Variants in UBA6 observed in about 807,000 individuals in gnomAD.
UBA6 encodes the protein ubiquitin-like modifier-activating enzyme 6.
A neutral mutation model predicts 148.3 loss-of-function variants in UBA6; 87 were observed. The ratio of observed to expected loss-of-function variants is 0.59; its 90% confidence interval spans 0.49 to 0.70. The LOEUF (loss-of-function observed/expected upper bound fraction) is 0.70. UBA6 is among the 30% of genes least tolerant of loss of function. The probability of loss-of-function intolerance (pLI) is 0.00; values close to 1 mark genes in which losing one functional copy is unlikely to be tolerated. For missense variants in UBA6, 1,186 were observed against 1,241.2 expected, an observed-to-expected ratio of 0.96 and a Z score of 0.67; for synonymous variants, 376 against 401.0, an observed-to-expected ratio of 0.94 and a Z score of 0.75.
At chr4:67,678,034 A>G (rs1017413243) in intron 5 of UBA6, among the ~76,000 whole-genome samples, 1 of 146,490 alleles carries the variant, frequency 6.8e-6, no homozygotes, top group African/African-American at 2.5e-5. Context: ...ATTCAAGGAA[A>G]TACATTTCTA....
intron 12 of UBA6, 98 bp downstream of exon 12, chr4:67,663,041 T>A: frequency 1.3e-6 from 1 of 773,066 alleles, no homozygotes; most frequent in Non-Finnish European, 2.1e-6. Context: ...TCTATTGGTA[T>A]TGTAATTACA....
rs1356232207 is a variant in UBA6, at chr4:67,668,462, T to A, written c.793+89A>T. 71 of 1,254,740 alleles carry A rather than the reference T, an allele frequency of 5.7e-5. No individual in the cohort carries two copies. In the African/African-American group the frequency reaches 9.8e-4, roughly 17 times the overall value. 77.7% of individuals were successfully genotyped at this position (1,254,740 alleles called of 1,614,324 possible). A position where few individuals can be genotyped will look rare whatever the true frequency, so the allele number is the denominator to read the frequency against. Reference sequence around the variant, plus strand: ...CCAAGGGCTTTGGATCATGTCTCTCTGAGTTGACATTCTGTTCCCAACACT... The same window carrying A: ...CCAAGGGCTTTGGATCATGTCTCTCAGAGTTGACATTCTGTTCCCAACACT... On this transcript the variant is annotated intron_variant, in intron 9 of 32. Transcript: ENST00000322244.
In UBA6 at chr4:67,670,770, T is replaced by G. The variant is rs150347829; in HGVS notation, c.547-178A>C. Reference sequence around the variant, plus strand: ...GCAGAATAGTTTAGGAATCAAAGATTTTCAGTACTTTTAGTAAATGGATGT... The same window carrying G: ...GCAGAATAGTTTAGGAATCAAAGATGTTCAGTACTTTTAGTAAATGGATGT... On this transcript the variant is annotated intron_variant, in intron 7 of 32. Coordinates refer to ENST00000322244, the MANE Select transcript of UBA6 (RefSeq NM_018227.6). 5.5e-3 allele frequency among the ~76,000 whole-genome samples: 831 copies of G among 152,268 alleles called. 6 individuals are homozygous for G. The highest frequency in any genetic ancestry group is 0.018 in the African/African-American group (747 of 41,562).
intron 7 of UBA6, among the ~76,000 whole-genome samples, chr4:67,672,932 T>C (rs1012526171): frequency 6.6e-6 from 1 of 152,210 alleles, no homozygotes; most frequent in Non-Finnish European, 1.5e-5. Context: ...TTTTCTTTAC[T>C]CAGATTTTTC....
chr4:67,631,181 G>A (rs542006993), intron 25 of UBA6, among the ~76,000 whole-genome samples: 1 of 152,088 alleles, frequency 6.6e-6, no homozygotes, highest in Non-Finnish European at 1.5e-5. Context: ...GGCCACATAT[G>A]TGAGACCTTG....
At chr4:67,642,543 A>G (rs1351035096) in intron 17 of UBA6, among the ~76,000 whole-genome samples, 2 of 152,076 alleles carry the variant, frequency 1.3e-5, no homozygotes, top group Admixed American at 1.3e-4. Flanking sequence ...ATCTTTCAGT[A>G]AGAACCAATA....
chr4:67,684,577 T>C (rs13114818), intron 2 of UBA6, among the ~76,000 whole-genome samples: 17,743 of 152,270 alleles, frequency 0.12, 1,391 homozygotes, highest in Middle Eastern at 0.25. Context: ...AGAATTTCTT[T>C]GGTCAATTTT....
At chr4:67,633,951 G>A (rs1439921598) in intron 22 of UBA6, among the ~76,000 whole-genome samples, 5 of 151,882 alleles carry the variant, frequency 3.3e-5, no homozygotes, top group Non-Finnish European at 1.5e-5. Context: ...CTTAATAAAA[G>A]CCCTTTTATT....
At position 67,658,464 on chromosome 4, in the gene UBA6, C is replaced by T. The variant is rs114650459; in HGVS notation, c.1104+3725G>A. Among the ~76,000 whole-genome samples the T allele has an allele frequency of 5.4e-3, 818 of 152,176 alleles. 7 individuals are homozygous for T. The highest frequency in any genetic ancestry group is 0.019 in the African/African-American group (775 of 41,526). Reference sequence around the variant, plus strand: ...ACACAATGAAACAGAAAACCAAATACCACGTGTTCTCACTTAGAAGTGGAA... The same window carrying T: ...ACACAATGAAACAGAAAACCAAATATCACGTGTTCTCACTTAGAAGTGGAA... On this transcript the variant is annotated intron_variant, in intron 13 of 32. Transcript: ENST00000322244.
chr4:67,670,252 T>C (rs1474428192), intron 8 of UBA6, among the ~76,000 whole-genome samples: 3 of 152,204 alleles, frequency 2.0e-5, no homozygotes, highest in Non-Finnish European at 4.4e-5. Flanking sequence ...CCCTATCAAG[T>C]ATTATTTGTT....
intron 1 of UBA6, among the ~76,000 whole-genome samples, chr4:67,699,769 A>T (rs557237745): frequency 7.2e-5 from 11 of 151,906 alleles, no homozygotes; most frequent in South Asian, 6.2e-4. Flanking sequence ...CGCCCAGCTA[A>T]TTTTTTTGTA....
chr4:67,645,479 G>A (rs1157519174), intron 16 of UBA6, among the ~76,000 whole-genome samples: 2 of 151,964 alleles, frequency 1.3e-5, no homozygotes, highest in East Asian at 3.9e-4. Context: ...CGCCCCTGTA[G>A]TCCCAGCTAC....
At chr4:67,673,811 AT>A in intron 6 of UBA6, 34 bp from the exon 7 acceptor site, 2 of 1,461,342 alleles carry the variant, frequency 1.4e-6, no homozygotes, top group Non-Finnish European at 1.9e-6. Flanking sequence ...AAACTAGAAA[AT>A]ACATAATTAT....
At chr4:67,628,136 C>A (rs1222546033) in intron 27 of UBA6, among the ~76,000 whole-genome samples, 4 of 151,610 alleles carry the variant, frequency 2.6e-5, no homozygotes, top group Non-Finnish European at 1.5e-5. Context: ...TATTGTCTTG[C>A]GTTTTACTAC....
chr4:67,665,735 G>A (rs1729981005), intron 9 of UBA6, among the ~76,000 whole-genome samples: 1 of 151,410 alleles, frequency 6.6e-6, no homozygotes, highest in Non-Finnish European at 1.5e-5. Context: ...AATCAGTAAT[G>A]AAAAGATAAG....
At chr4:67,693,359 C>T (rs1234491027) in intron 2 of UBA6, among the ~76,000 whole-genome samples, 2 of 151,186 alleles carry the variant, frequency 1.3e-5, no homozygotes, top group East Asian at 1.9e-4. Context: ...GTATATAATA[C>T]ATATAATATT....
At position 67,638,878 on chromosome 4, in the gene UBA6, T is replaced by C. The variant is rs79999651; in HGVS notation, c.1736+65A>G. The C allele has an allele frequency of 6.5e-6, 8 of 1,223,548 alleles. No individual in the cohort carries two copies. In the East Asian group the frequency reaches 1.9e-4, roughly 29 times the overall value. The allele number at this position is 1,223,548 out of a possible 1,614,324, so 75.8% of individuals were successfully genotyped here. A position where few individuals can be genotyped will look rare whatever the true frequency, so the allele number is the denominator to read the frequency against. The stretch of plus-strand genomic sequence containing the variant: ...GATAATTCCGTAACTTTTCAATAAG[T>C]AATGTGGGAAACAGAAGTGAAAACT... On this transcript the variant is annotated intron_variant, in intron 19 of 32. Transcript: ENST00000322244.
At chr4:67,697,734 C>A (rs1429205277) in intron 1 of UBA6, among the ~76,000 whole-genome samples, 1 of 152,186 alleles carries the variant, frequency 6.6e-6, no homozygotes. Context: ...CTTACTATTT[C>A]AATCAGTACA....
At chr4:67,683,058 C>T (rs1295904671) in intron 2 of UBA6, among the ~76,000 whole-genome samples, 1 of 152,104 alleles carries the variant, frequency 6.6e-6, no homozygotes, top group African/African-American at 2.4e-5. Flanking sequence ...ACTTTATAAA[C>T]ACAAGCTATC....
Sources: allele counts gnomAD v4.1 joint callset (sites outside exome capture counted in the v4.1 genomes callset), GRCh38; gene constraint gnomAD v4.1.1; transcripts MANE v1.5; gene names NCBI Gene and HGNC (gene_info 2026-07-23, HGNC 2026-07-21).